The following F2RL1 variants were observed in gnomAD, a reference collection of about 807,000 sequenced individuals.
F2RL1 encodes proteinase-activated receptor 2.
A neutral mutation model predicts 21.7 loss-of-function variants in F2RL1; 16 were observed. The ratio of observed to expected loss-of-function variants is 0.74; its 90% CI spans 0.50 to 1.12. The LOEUF (loss-of-function observed/expected upper bound fraction) is 1.12. Ranked by LOEUF, F2RL1 falls within the 50% of genes most tolerant of loss-of-function variation. F2RL1 has a pLI of 0.00. For missense variants in F2RL1, 432 were observed against 477.8 expected, an observed-to-expected ratio of 0.90 and a Z score of 0.89; for synonymous variants, 181 against 186.7, an observed-to-expected ratio of 0.97 and a Z score of 0.25.
chr5:76,819,057 G>A lies in F2RL1; in HGVS notation c.-126G>A. ...AACCTAACCCGCCCTGGGGAGGCGC[G>A]CAGCAGAGGCTCCGATTCGGGGCAG... On this transcript the variant is annotated 5_prime_UTR_variant, in exon 1 of 2. Transcript: ENST00000296677. 1.3e-6 allele frequency: 1 copy of A among 750,400 alleles called. No individual in the cohort carries two copies. Among genetic ancestry groups the A allele is most frequent in the Non-Finnish European group, 2.1e-6 (1 of 470,398 alleles). 46.5% of individuals were successfully genotyped at this position (750,400 alleles called of 1,614,324 possible).
intron 1 of F2RL1, among the ~76,000 whole-genome samples, chr5:76,826,830 C>T (rs1011429892): frequency 6.6e-6 from 1 of 151,780 alleles, no homozygotes; most frequent in South Asian, 2.1e-4. Flanking sequence ...CTTTTTATTT[C>T]TTTTCAATTG....
In F2RL1 at chr5:76,833,735, A is replaced by G. The variant is rs115274241; in HGVS notation, c.1128A>G (p.Ser376=). Residue 376 remains serine, a synonymous_variant, in exon 2 of 2, where the codon TCA becomes TCG. Transcript: ENST00000296677. ...TVKQMQVSLT[S]KKHSRKSSSY... is the part of the protein sequence containing the mutation. ...AGCAGATGCAAGTATCCCTCACCTC[A>G]AAGAAACACTCCAGGAAATCCAGCT... 154 of 1,613,948 alleles carry G rather than the reference A, an allele frequency of 9.5e-5. No individual in the cohort carries two copies. The African/African-American group carries it at 1.9e-3, about 20-fold the overall frequency.
Position 76,833,685 on chromosome 5 carries a change from C to G in F2RL1, c.1078C>G (p.Leu360Val). 6.2e-7 allele frequency: 1 copy of G among 1,614,004 alleles called. No homozygotes were observed. Among genetic ancestry groups the G allele is most frequent in the Non-Finnish European group, 8.5e-7 (1 of 1,180,008 alleles). Residue 360 changes from leucine (L) to valine (V), a missense_variant, in exon 2 of 2, where the codon CTT (leucine) becomes GTT (valine). Coordinates refer to ENST00000296677, the MANE Select transcript of F2RL1 (RefSeq NM_005242.6). Reference sequence around the variant, plus strand: ...CAGGGATCATGCAAAGAACGCTCTCCTTTGCCGAAGTGTCCGCACTGTAAA... The same window carrying G: ...CAGGGATCATGCAAAGAACGCTCTCGTTTGCCGAAGTGTCCGCACTGTAAA... ...DFRDHAKNAL[L>V]CRSVRTVKQM...
chr5:76,820,658 A>G (rs1750116912), intron 1 of F2RL1, among the ~76,000 whole-genome samples: 1 of 152,226 alleles, frequency 6.6e-6, no homozygotes, highest in South Asian at 2.1e-4. Context: ...ACATGTTGGT[A>G]TAGCTGATTC....
chr5:76,824,301 A>G (rs1374796861), intron 1 of F2RL1, among the ~76,000 whole-genome samples: 1 of 150,730 alleles, frequency 6.6e-6, no homozygotes, highest in Admixed American at 6.6e-5. Context: ...CTAGGTTGCC[A>G]CTATGCCTGG....
rs982550989 is a variant in F2RL1 at position 76,835,175 on chromosome 5, C to T, written c.*1374C>T. 38 of 152,426 alleles carry T rather than the reference C, an allele frequency of 2.5e-4. No homozygotes were observed. Among genetic ancestry groups the T allele is most frequent in the African/African-American group, 8.4e-4 (35 of 41,554 alleles). 9.4% of individuals were successfully genotyped at this position (152,426 alleles called of 1,614,324 possible). A position where few individuals can be genotyped will look rare whatever the true frequency, so the allele number is the denominator to read the frequency against. On this transcript the variant is annotated 3_prime_UTR_variant, in exon 2 of 2. Coordinates refer to ENST00000296677, the MANE Select transcript of F2RL1 (RefSeq NM_005242.6). The stretch of plus-strand genomic sequence containing the variant: ...CCTTCAGAGGGTTTGGACCACATCT[C>T]TTTGGAAAATAGTTTGCAACATATT...
intron 1 of F2RL1, among the ~76,000 whole-genome samples, chr5:76,825,981 C>T (rs2150605734): frequency 6.6e-6 from 1 of 152,198 alleles, no homozygotes; most frequent in South Asian, 2.1e-4. Flanking sequence ...TTGGTACATG[C>T]TTATTTTTAT....
In F2RL1 at chr5:76,819,191, C is replaced by A. The variant is rs751521056; in HGVS notation, c.9C>A (p.Ser3Arg). 1.0e-5 allele frequency: 16 copies of A among 1,584,472 alleles called. No individual in the cohort carries two copies. Among genetic ancestry groups the A allele is most frequent in the Non-Finnish European group, 1.4e-5 (16 of 1,174,532 alleles). MR[S>R]PSAAWLLGAA... Reference sequence around the variant, plus strand: ...TCGGGGCTTCCAGGAGGATGCGGAGCCCCAGCGCGGCGTGGCTGCTGGGGG... The same window carrying A: ...TCGGGGCTTCCAGGAGGATGCGGAGACCCAGCGCGGCGTGGCTGCTGGGGG... Residue 3 changes from serine to arginine, a missense_variant, in exon 1 of 2, where the codon AGC becomes AGA. Ser to Arg is a moderately radical substitution (Grantham distance 110). Transcript: ENST00000296677.
rs753882472 is a variant in F2RL1 at position 76,819,173 on chromosome 5, T to C, written c.-10T>C. 1 of 1,575,054 alleles carries C rather than the reference T, an allele frequency of 6.3e-7. No individual in the cohort carries two copies. The highest frequency in any genetic ancestry group is 8.5e-7 in the Non-Finnish European group (1 of 1,169,760). ...TTCCCCGCGCGCCCGGCGTCGGGGC[T>C]TCCAGGAGGATGCGGAGCCCCAGCG... On this transcript the variant is annotated 5_prime_UTR_variant, in exon 1 of 2. Transcript: ENST00000296677.
intron 1 of F2RL1, among the ~76,000 whole-genome samples, chr5:76,831,132 C>T (rs1012158416): frequency 6.6e-6 from 1 of 152,120 alleles, no homozygotes; most frequent in African/African-American, 2.4e-5. Context: ...TTTAGGTCAA[C>T]TTCATAATAT....
chr5:76,833,738 G>T lies in F2RL1; in HGVS notation c.1131G>T (p.Lys377Asn). 6.2e-7 allele frequency: 1 copy of T among 1,613,930 alleles called. No homozygotes were observed. Among genetic ancestry groups the T allele is most frequent in the Non-Finnish European group, 8.5e-7 (1 of 1,180,000 alleles). The change falls in exon 2 of 2, where the codon AAG (lysine) becomes AAT (asparagine). Residue 377 changes from lysine (K) to asparagine (N), a missense_variant. Transcript: ENST00000296677. ...AGATGCAAGTATCCCTCACCTCAAAGAAACACTCCAGGAAATCCAGCTCTT... is the reference window on the plus strand; with the variant it reads ...AGATGCAAGTATCCCTCACCTCAAATAAACACTCCAGGAAATCCAGCTCTT... The part of the protein sequence containing the change: ...VKQMQVSLTS[K>N]KHSRKSSSYS...
rs888624547 is a variant in F2RL1, at chr5:76,833,866, C to T, written c.*65C>T. 22 of 1,513,822 alleles carry T rather than the reference C, an allele frequency of 1.5e-5. No homozygotes were observed. Among genetic ancestry groups the T allele is most frequent in the South Asian group, 1.3e-4 (10 of 79,480 alleles). 93.8% of individuals were successfully genotyped at this position (1,513,822 alleles called of 1,614,324 possible). A position where few individuals can be genotyped will look rare whatever the true frequency, so the allele number is the denominator to read the frequency against. ...TGGAACCTGTTTAATGTTATGAGGA[C>T]GTGTCTGTTATTTCCTAATCAAAAA... On this transcript the variant is annotated 3_prime_UTR_variant, in exon 2 of 2. Transcript: ENST00000296677.
intron 1 of F2RL1, among the ~76,000 whole-genome samples, chr5:76,819,801 G>A (rs1580929033): frequency 6.6e-6 from 1 of 152,008 alleles, no homozygotes; most frequent in East Asian, 1.9e-4. Context: ...TGTTTTTTGC[G>A]TCCCTCTCCA....
rs1051287508 is a variant in F2RL1 at position 76,835,246 on chromosome 5, T to C, written c.*1445T>C. 6.6e-6 allele frequency: 1 copy of C among 152,306 alleles called. No homozygotes were observed. The highest frequency in any genetic ancestry group is 6.5e-5 in the Admixed American group (1 of 15,290). 9.4% of individuals were successfully genotyped at this position (152,306 alleles called of 1,614,324 possible). A position where few individuals can be genotyped will look rare whatever the true frequency, so the allele number is the denominator to read the frequency against. On this transcript the variant is annotated 3_prime_UTR_variant, in exon 2 of 2. Transcript: ENST00000296677. Reference sequence around the variant, plus strand: ...AATGACTTTATACAACGATTGTATTTGTGACTTTTAAAAATAATTATTTTA... The same window carrying C: ...AATGACTTTATACAACGATTGTATTCGTGACTTTTAAAAATAATTATTTTA...
At chr5:76,832,089 A>T (rs1217091712) in intron 1 of F2RL1, among the ~76,000 whole-genome samples, 1 of 152,088 alleles carries the variant, frequency 6.6e-6, no homozygotes, top group Non-Finnish European at 1.5e-5. Flanking sequence ...AATAAATTGA[A>T]ATATTGTTAG....
rs1750305513 is a variant in F2RL1 at position 76,829,290 on chromosome 5, T to C, written c.83-3400T>C. Among the ~76,000 whole-genome samples, 3 of 150,562 alleles carry C rather than the reference T, an allele frequency of 2.0e-5. No individual in the cohort carries two copies. In the South Asian group the frequency reaches 6.3e-4, roughly 32 times the overall value. ...TTTTTTTTTTTTTGAAGAGATGGCA[T>C]TGTGCTATGTTGCCCTGGCTGGTCT... On this transcript the variant is annotated intron_variant, in intron 1 of 1. Coordinates refer to ENST00000296677, the MANE Select transcript of F2RL1 (RefSeq NM_005242.6).
intron 1 of F2RL1, among the ~76,000 whole-genome samples, chr5:76,820,737 A>C (rs2243000): frequency 0.012 from 1,827 of 152,048 alleles, 49 homozygotes; most frequent in African/African-American, 0.042. Context: ...CTTGTTTACT[A>C]CTCTTGGGGG....
chr5:76,820,029 T>C (rs931560752), intron 1 of F2RL1, among the ~76,000 whole-genome samples: 1 of 152,190 alleles, frequency 6.6e-6, no homozygotes, highest in African/African-American at 2.4e-5. Flanking sequence ...GTTGACCCTC[T>C]GGGCCTGGGG....
At position 76,833,509 on chromosome 5, in the gene F2RL1, C is replaced by T; in HGVS notation, c.902C>T (p.Thr301Ile). 2.5e-6 allele frequency: 4 copies of T among 1,613,862 alleles called. No homozygotes were observed. Among genetic ancestry groups the T allele is most frequent in the Non-Finnish European group, 3.4e-6 (4 of 1,179,996 alleles). ...CTGGCCATGTACCTGATCTGCTTCACTCCTAGTAACCTTCTGCTTGTGGTG... is the reference window on the plus strand; with the variant it reads ...CTGGCCATGTACCTGATCTGCTTCATTCCTAGTAACCTTCTGCTTGTGGTG... ...TVLAMYLICF[T>I]PSNLLLVVHY... The change falls in exon 2 of 2, where the codon ACT (threonine) becomes ATT (isoleucine). Residue 301 changes from threonine (T) to isoleucine (I), a missense_variant. Coordinates refer to ENST00000296677, the MANE Select transcript of F2RL1 (RefSeq NM_005242.6).
Sources: gnomAD v4.1 joint callset for allele counts (sites outside exome capture counted in the v4.1 genomes callset) on GRCh38, gnomAD v4.1.1 for gene constraint, MANE v1.5 for transcripts, NCBI Gene and HGNC (gene_info 2026-07-23, HGNC 2026-07-21) for gene names.